Variants in SNX25 observed in about 807,000 individuals in gnomAD.
SNX25 encodes the protein sorting nexin 25, also known as sorting nexin-25.
Under a neutral mutation model 113.7 loss-of-function variants are expected in SNX25, and 62 were observed. The ratio of observed to expected loss-of-function variants is 0.55; its 90% confidence interval spans 0.44 to 0.67. The LOEUF is 0.67. SNX25 is among the 30% of genes least tolerant of loss of function. The pLI, the probability that SNX25 is intolerant of heterozygous loss-of-function variation, is 0.00. For missense variants in SNX25, 1,014 were observed against 1,161.0 expected, an observed-to-expected ratio of 0.87 and a Z score of 1.84; for synonymous variants, 421 against 436.2, an observed-to-expected ratio of 0.97 and a Z score of 0.43.
chr4:185,343,449 G>T (rs776245840), intron 12 of SNX25, among the ~76,000 whole-genome samples: 1 of 152,184 alleles, frequency 6.6e-6, no homozygotes, highest in African/African-American at 2.4e-5. Flanking sequence ...GGATTGCAAT[G>T]TAGCATGCAT....
rs753470605 is a variant in SNX25, at chr4:185,267,027, T to C, written c.963T>C (p.Leu321=). ...SNPDYINQML[L]AQLAYREQMN... is the part of the protein sequence containing the mutation. ...CAGATTACATTAACCAAATGCTGCTTGCCCAGCTGGCGTACAGAGAGCAAA... is the reference window on the plus strand; with the variant it reads ...CAGATTACATTAACCAAATGCTGCTCGCCCAGCTGGCGTACAGAGAGCAAA... Residue 321 remains leucine, a synonymous_variant, in exon 5 of 19, where the codon CTT becomes CTC. Transcript: ENST00000652585. The C allele has an allele frequency of 6.2e-7, 1 of 1,614,016 alleles. No individual in the cohort carries two copies. Among genetic ancestry groups the C allele is most frequent in the Non-Finnish European group, 8.5e-7 (1 of 1,179,926 alleles).
intron 1 of SNX25, among the ~76,000 whole-genome samples, chr4:185,244,670 AT>A (rs1450585484): frequency 6.6e-6 from 1 of 152,202 alleles, no homozygotes; most frequent in Non-Finnish European, 1.5e-5. Context: ...TTGTCTATAT[AT>A]GATTATGATT....
intron 6 of SNX25, among the ~76,000 whole-genome samples, chr4:185,300,955 G>C (rs1359717023): frequency 6.6e-6 from 1 of 151,536 alleles, no homozygotes; most frequent in Non-Finnish European, 1.5e-5. Flanking sequence ...GGCACTTTAG[G>C]CCTCAGAAGC....
At chr4:185,371,870 G>A (rs1251920756), downstream of SNX25, among the ~76,000 whole-genome samples, 3 of 152,104 alleles carry the variant, frequency 2.0e-5, no homozygotes, top group African/African-American at 2.4e-5. Context: ...ACTGCCCTGA[G>A]CTAGGGCTCG....
upstream of SNX25, among the ~76,000 whole-genome samples, chr4:185,206,611 A>AT (rs1289589524): frequency 7.3e-6 from 1 of 137,156 alleles, no homozygotes; most frequent in African/African-American, 2.7e-5. Context: ...GTGAGCCGAG[A>AT]TTGCGCCATT....
intron 6 of SNX25, among the ~76,000 whole-genome samples, chr4:185,302,091 G>GT (rs1233693832): frequency 4.8e-4 from 52 of 108,354 alleles, no homozygotes; most frequent in East Asian, 8.3e-4. Flanking sequence ...GTGTGTGTGT[G>GT]TTTTTTTTGT....
At chr4:185,371,378 A>G (rs2095414624), downstream of SNX25, among the ~76,000 whole-genome samples, 1 of 151,572 alleles carries the variant, frequency 6.6e-6, no homozygotes, top group African/African-American at 2.4e-5. Context: ...TCTCTACTAA[A>G]AAAGATACAA....
At chr4:185,344,612 G>A (rs1380255210) in intron 12 of SNX25, among the ~76,000 whole-genome samples, 5 of 151,968 alleles carry the variant, frequency 3.3e-5, no homozygotes, top group Non-Finnish European at 7.4e-5. Flanking sequence ...TACGCAGCCT[G>A]TCTCAAAGTT....
At chr4:185,229,334 A>C (rs1271194254) in intron 1 of SNX25, among the ~76,000 whole-genome samples, 1 of 152,194 alleles carries the variant, frequency 6.6e-6, no homozygotes, top group Non-Finnish European at 1.5e-5. Flanking sequence ...GGCATGCAAA[A>C]GCCTTCCATG....
At chr4:185,362,413 A>G in intron 17 of SNX25, 198 bp from the exon 18 acceptor site, 2 of 924,504 alleles carry the variant, frequency 2.2e-6, no homozygotes, top group Non-Finnish European at 2.6e-6. Context: ...GTTGAAAAAT[A>G]TTAAAATTGT....
intron 12 of SNX25, among the ~76,000 whole-genome samples, chr4:185,342,523 CAT>C (rs1317295741): frequency 6.6e-6 from 1 of 151,162 alleles, no homozygotes; most frequent in Non-Finnish European, 1.5e-5. Context: ...GATTCTATCA[CAT>C]ATACAAGGGA....
chr4:185,363,549 G>T lies in SNX25; in HGVS notation c.*84G>T. ...CCTCTTTTCCACAGAGGGCTTAACT[G>T]AGAACCGTATTGATTTTTATTTTAG... On this transcript the variant is annotated 3_prime_UTR_variant, in exon 19 of 19. Coordinates refer to ENST00000652585, the MANE Select transcript of SNX25 (RefSeq NM_001378034.2). This position sits in a 1 kb window ranked among gnomAD's most constrained non-coding sequence, Gnocchi z 4.2. 7.8e-7 allele frequency: 1 copy of T among 1,283,302 alleles called. No homozygotes were observed. Among genetic ancestry groups the T allele is most frequent in the South Asian group, 1.2e-5 (1 of 81,700 alleles). 79.5% of individuals were successfully genotyped at this position (1,283,302 alleles called of 1,614,324 possible).
intron 15 of SNX25, among the ~76,000 whole-genome samples, chr4:185,354,898 G>C (rs1268427006): frequency 6.6e-6 from 1 of 152,204 alleles, no homozygotes; most frequent in African/African-American, 2.4e-5. Flanking sequence ...AGAAGAGCAA[G>C]GGTTAGTAAG....
In SNX25 at chr4:185,342,791, G is replaced by C. The variant is rs184155220; in HGVS notation, c.2187+675G>C. ...AGGGAGGCAGTAAGGTGCGGTGCTT[G>C]GAGCACAGCCTCTAGAACCAGACTG... On this transcript the variant is annotated intron_variant, in intron 12 of 18. Coordinates refer to ENST00000652585, the MANE Select transcript of SNX25 (RefSeq NM_001378034.2). 7.0e-4 allele frequency among the ~76,000 whole-genome samples: 107 copies of C among 152,332 alleles called. 1 individual carries two copies. Among genetic ancestry groups the C allele is most frequent in the Non-Finnish European group, 1.4e-3 (95 of 68,030 alleles).
At chr4:185,333,809 C>T (rs1403777373) in intron 10 of SNX25, among the ~76,000 whole-genome samples, 4 of 151,722 alleles carry the variant, frequency 2.6e-5, no homozygotes, top group African/African-American at 9.7e-5. Context: ...TTTGGGAAGC[C>T]GAGATGGGTG....
Position 185,210,338 on chromosome 4 carries a change from G to A in SNX25, c.429+83G>A, listed in dbSNP as rs1737541659. The A allele has an allele frequency of 2.0e-6, 2 of 982,486 alleles. No homozygotes were observed. Among genetic ancestry groups the A allele is most frequent in the East Asian group, 1.1e-4 (1 of 8,782 alleles). The allele number at this position is 982,486 out of a possible 1,614,324, so 60.9% of individuals were successfully genotyped here. A position where few individuals can be genotyped will look rare whatever the true frequency, so the allele number is the denominator to read the frequency against. ...GCTCCCGCGCCCCGAGCTCCGGGGG[G>A]CCGCGGCATGCCCTTGTCGAAGCGG... On this transcript the variant is annotated intron_variant, in intron 1 of 18. Coordinates refer to ENST00000652585, the MANE Select transcript of SNX25 (RefSeq NM_001378034.2). This position sits in a 1 kb window ranked among gnomAD's most constrained non-coding sequence, Gnocchi z 4.4.
intron 7 of SNX25, among the ~76,000 whole-genome samples, chr4:185,317,878 A>G (rs2095087878): frequency 6.6e-6 from 1 of 152,146 alleles, no homozygotes; most frequent in South Asian, 2.1e-4. Context: ...AGTGCAGCAA[A>G]CCACCATGGC....
intron 6 of SNX25, among the ~76,000 whole-genome samples, chr4:185,310,431 G>T (rs34275418): frequency 0.33 from 50,440 of 151,790 alleles, 9,045 homozygotes; most frequent in East Asian, 0.49. Flanking sequence ...TTTGTCAGTG[G>T]TATATTTAGA....
chr4:185,336,768 G>A (rs1323155884), intron 10 of SNX25, among the ~76,000 whole-genome samples: 1 of 152,070 alleles, frequency 6.6e-6, no homozygotes, highest in African/African-American at 2.4e-5. Context: ...ACTAGTTTAC[G>A]TTCCCACCAA....
Sources: allele counts gnomAD v4.1 joint callset (sites outside exome capture counted in the v4.1 genomes callset), GRCh38; gene constraint gnomAD v4.1.1; non-coding constraint Gnocchi (gnomAD v3.1); transcripts MANE v1.5; gene names NCBI Gene and HGNC (gene_info 2026-07-23, HGNC 2026-07-21).